The following GRM8 variants were observed in gnomAD, a reference collection of about 807,000 sequenced individuals.
GRM8 encodes metabotropic glutamate receptor 8.
A neutral mutation model predicts 87.2 loss-of-function variants in GRM8; 47 were observed. That is an observed-to-expected ratio of 0.54 (90% CI 0.43 to 0.69). GRM8 has a LOEUF of 0.69. Ranked by LOEUF, GRM8 falls within the 30% of genes least tolerant of loss-of-function variation. GRM8 has a pLI of 0.00. For missense variants in GRM8, 1,019 were observed against 1,139.2 expected (o/e 0.89, Z 1.52); for synonymous variants, 396 against 404.5 (o/e 0.98, Z 0.25).
At chr7:127,049,993 C>T (rs1216598063) in intron 3 of GRM8, among the ~76,000 whole-genome samples, 1 of 152,070 alleles carries the variant, frequency 6.6e-6, no homozygotes, top group Non-Finnish European at 1.5e-5. Context: ...CAGGCAAGGG[C>T]CAGGTCAGGT....
chr7:126,827,983 T>A (rs1794986239), intron 6 of GRM8, among the ~76,000 whole-genome samples: 2 of 152,358 alleles, frequency 1.3e-5, no homozygotes, highest in South Asian at 4.1e-4. Flanking sequence ...GTGGTTTTTG[T>A]TTTTGGTTCT....
At chr7:127,080,332 C>T (rs1822725883) in intron 3 of GRM8, among the ~76,000 whole-genome samples, 1 of 152,178 alleles carries the variant, frequency 6.6e-6, no homozygotes, top group Admixed American at 6.5e-5. Flanking sequence ...GAATAATTAA[C>T]ACACCTTAAT....
intron 6 of GRM8, among the ~76,000 whole-genome samples, chr7:126,798,208 C>A (rs1191960650): frequency 6.6e-6 from 1 of 151,662 alleles, no homozygotes; most frequent in Admixed American, 6.6e-5. Context: ...TTCATAGGGG[C>A]AAAGAGAATG....
At chr7:126,515,291 T>C (rs1346588255) in intron 9 of GRM8, among the ~76,000 whole-genome samples, 1 of 152,146 alleles carries the variant, frequency 6.6e-6, no homozygotes, top group Non-Finnish European at 1.5e-5. Context: ...TTTCAAATTG[T>C]ACATTCATAT....
chr7:127,091,915 A>C (rs1416625136), intron 3 of GRM8, among the ~76,000 whole-genome samples: 2 of 26,540 alleles, frequency 7.5e-5, no homozygotes, highest in Admixed American at 5.4e-4. Context: ...CTCCCCCTCC[A>C]ACCCACTGAT....
At chr7:127,168,813 C>T (rs935565428) in intron 2 of GRM8, among the ~76,000 whole-genome samples, 1 of 151,424 alleles carries the variant, frequency 6.6e-6, no homozygotes. Flanking sequence ...CATGAGAACA[C>T]ATGGACACAG....
At chr7:127,251,675 C>T (rs914582939) in intron 1 of GRM8, among the ~76,000 whole-genome samples, 3 of 151,462 alleles carry the variant, frequency 2.0e-5, no homozygotes, top group African/African-American at 7.3e-5. Context: ...CCTCCGCCCC[C>T]GCCGCACCTG....
chr7:126,633,001 A>C (rs1280405647), intron 7 of GRM8, among the ~76,000 whole-genome samples: 1 of 152,102 alleles, frequency 6.6e-6, no homozygotes, highest in African/African-American at 2.4e-5. Flanking sequence ...CCTCTTTATT[A>C]TTTTATTTCC....
intron 3 of GRM8, chr7:127,095,774 C>T (rs747078398): frequency 6.6e-6 from 1 of 152,120 alleles, no homozygotes; most frequent in Non-Finnish European, 1.5e-5. Context: ...GGGGGCAATG[C>T]CTCTAAATGA....
At chr7:126,591,044 T>G (rs963663054) in intron 8 of GRM8, among the ~76,000 whole-genome samples, 12 of 152,106 alleles carry the variant, frequency 7.9e-5, no homozygotes, top group African/African-American at 2.9e-4. Flanking sequence ...CAACATTGAA[T>G]GTAAATGACT....
chr7:126,697,262 A>G (rs1809487911), intron 7 of GRM8, among the ~76,000 whole-genome samples: 1 of 152,090 alleles, frequency 6.6e-6, no homozygotes, highest in South Asian at 2.1e-4. Context: ...ATGCACGTCA[A>G]TGGGTACAAA....
At chr7:126,968,036 A>C (rs1183291837) in intron 3 of GRM8, among the ~76,000 whole-genome samples, 1 of 152,230 alleles carries the variant, frequency 6.6e-6, no homozygotes, top group Admixed American at 6.5e-5. Flanking sequence ...TACACGATAC[A>C]TATGCAGATG....
intron 7 of GRM8, among the ~76,000 whole-genome samples, chr7:126,621,186 T>C (rs147431420): frequency 1.3e-5 from 2 of 152,338 alleles, no homozygotes; most frequent in African/African-American, 4.8e-5. Context: ...TTAAATAGAT[T>C]CACATATTTG....
intron 3 of GRM8, among the ~76,000 whole-genome samples, chr7:127,011,879 T>C (rs1160921073): frequency 4.0e-4 from 61 of 152,290 alleles, no homozygotes; most frequent in Non-Finnish European, 2.9e-5. Context: ...TGCCCTCTAA[T>C]CCAGCCTCTC....
chr7:127,070,512 G>C (rs1298348529), intron 3 of GRM8, among the ~76,000 whole-genome samples: 1 of 151,994 alleles, frequency 6.6e-6, no homozygotes, highest in African/African-American at 2.4e-5. Context: ...AGTCAATACA[G>C]CCAATAACTC....
intron 9 of GRM8, among the ~76,000 whole-genome samples, chr7:126,466,630 A>G (rs1374883444): frequency 6.6e-6 from 1 of 151,890 alleles, no homozygotes; most frequent in Non-Finnish European, 1.5e-5. Context: ...GGAGCCAATG[A>G]TATAAGTTCT....
intron 8 of GRM8, among the ~76,000 whole-genome samples, chr7:126,602,253 C>T (rs1797862089): frequency 1.4e-5 from 2 of 145,218 alleles, no homozygotes; most frequent in African/African-American, 5.0e-5. Context: ...AGGTATGCGG[C>T]ATTATTTCTG....
At chr7:126,708,199 T>C (rs769993843) in intron 7 of GRM8, among the ~76,000 whole-genome samples, 1 of 152,038 alleles carries the variant, frequency 6.6e-6, no homozygotes, top group Non-Finnish European at 1.5e-5. Context: ...CTACACACCT[T>C]TTAGAATATC....
chr7:126,753,715 G>C (rs931740119), intron 7 of GRM8, among the ~76,000 whole-genome samples: 4 of 151,752 alleles, frequency 2.6e-5, no homozygotes, highest in African/African-American at 9.7e-5. Flanking sequence ...CAAATGATGA[G>C]ATTATTTTCC....
Sources: allele counts gnomAD v4.1 joint callset (sites outside exome capture counted in the v4.1 genomes callset), GRCh38; gene constraint gnomAD v4.1.1; transcripts MANE v1.5; gene names NCBI Gene and HGNC (gene_info 2026-07-23, HGNC 2026-07-21).